DOCK1: variants seen among roughly 807,000 people sequenced by gnomAD.
DOCK1 encodes dedicator of cytokinesis protein 1.
DOCK1 carries 138 observed loss-of-function variants against 262.7 expected under a neutral mutation model. The ratio of observed to expected loss-of-function variants is 0.53; its 90% CI spans 0.46 to 0.61. The LOEUF (loss-of-function observed/expected upper bound fraction) is 0.61. Ranked by LOEUF, DOCK1 falls within the 20% of genes least tolerant of loss-of-function variation. The pLI is 0.00. For missense variants in DOCK1, 1,908 were observed against 2,370.7 expected, an observed-to-expected ratio of 0.80 and a Z score of 4.05; for synonymous variants, 866 against 867.4, an observed-to-expected ratio of 1.00 and a Z score of 0.03.
At chr10:127,316,749 C>CG (rs1257508681) in intron 29 of DOCK1, among the ~76,000 whole-genome samples, 2 of 152,102 alleles carry the variant, frequency 1.3e-5, no homozygotes, top group Non-Finnish European at 2.9e-5. Flanking sequence ...ACAGACAAGG[C>CG]GGACCACAGA....
intron 1 of DOCK1, among the ~76,000 whole-genome samples, chr10:126,919,172 G>C (rs573043360): frequency 1.5e-4 from 23 of 152,350 alleles, no homozygotes; most frequent in African/African-American, 5.3e-4. Context: ...AGGCTGCTTA[G>C]AGACCTTCCT....
rs1236360967 is a variant in DOCK1 at position 127,403,135 on chromosome 10, C to T, written c.4008C>T (p.Ser1336=). 17 of 1,608,678 alleles carry T rather than the reference C, an allele frequency of 1.1e-5. No homozygotes were observed. Among genetic ancestry groups the T allele is most frequent in the Admixed American group, 3.4e-5 (2 of 59,444 alleles). The change falls in exon 39 of 52, where the codon AGC becomes AGT. Residue 1336 remains serine, a synonymous_variant. Transcript: ENST00000623213. ...ENEMFDYEQL[S]ELLKKQAQFY... is the part of the protein sequence containing the mutation. ...AAATGTTTGATTATGAGCAACTCAG[C>T]GAATTGCTGGTGAGTCTTTATTTCT...
In DOCK1 at chr10:127,247,998, T is replaced by C; in HGVS notation, c.2848-10T>C. ...GTCTCATCTAATTCTATCTTTTGAT[T>C]CATTTACAGGGAAACTTCGTGGCTT... On this transcript the variant is annotated splice_polypyrimidine_tract_variant and intron_variant, in intron 27 of 51. Coordinates refer to ENST00000623213, the MANE Select transcript of DOCK1 (RefSeq NM_001290223.2). 1 of 1,613,026 alleles carries C rather than the reference T, an allele frequency of 6.2e-7. No homozygotes were observed.
In DOCK1 at chr10:127,361,404, A is replaced by C. The variant is rs145512244; in HGVS notation, c.3284-660A>C. On this transcript the variant is annotated intron_variant, in intron 32 of 51. Coordinates refer to ENST00000623213, the MANE Select transcript of DOCK1 (RefSeq NM_001290223.2). ...GCTGGGATTACAGGCGTGAGCCACCACACCCGGCCTAAAGTAGTTATTTAA... is the reference window on the plus strand; with the variant it reads ...GCTGGGATTACAGGCGTGAGCCACCCCACCCGGCCTAAAGTAGTTATTTAA... 7.9e-5 allele frequency among the ~76,000 whole-genome samples: 12 copies of C among 152,244 alleles called. 1 individual carries two copies. The South Asian group carries it at 1.4e-3, about 18-fold the overall frequency.
In DOCK1 at chr10:126,998,285, T is replaced by C. The variant is rs758933912; in HGVS notation, c.767+36T>C. 12 of 1,612,430 alleles carry C rather than the reference T, an allele frequency of 7.4e-6. No homozygotes were observed. In the Admixed American group the frequency reaches 1.7e-4, roughly 22 times the overall value. On this transcript the variant is annotated intron_variant, in intron 8 of 51. Coordinates refer to ENST00000623213, the MANE Select transcript of DOCK1 (RefSeq NM_001290223.2). Reference sequence around the variant, plus strand: ...TTTCTTGGCTGCCGTCTTTCCTCTTTGGTTAGTGTTAGGAACTTGGGATCA... The same window carrying C: ...TTTCTTGGCTGCCGTCTTTCCTCTTCGGTTAGTGTTAGGAACTTGGGATCA...
intron 38 of DOCK1, among the ~76,000 whole-genome samples, chr10:127,392,623 T>G (rs191877620): frequency 2.6e-4 from 40 of 152,212 alleles, no homozygotes; most frequent in Admixed American, 2.4e-3. Flanking sequence ...ATCAAGAAGG[T>G]GGCCGTCACC....
At chr10:126,984,477 G>T (rs1359829152) in intron 4 of DOCK1, among the ~76,000 whole-genome samples, 3 of 151,880 alleles carry the variant, frequency 2.0e-5, no homozygotes, top group Admixed American at 6.6e-5. Flanking sequence ...CTCCCCAGTG[G>T]CTGGGACTAC....
chr10:127,278,051 C>T (rs118057882), intron 29 of DOCK1, among the ~76,000 whole-genome samples: 3 of 152,280 alleles, frequency 2.0e-5, no homozygotes, highest in Non-Finnish European at 2.9e-5. Flanking sequence ...CATGCGCACA[C>T]GCTTCCCTCT....
intron 27 of DOCK1, among the ~76,000 whole-genome samples, chr10:127,156,166 A>G (rs191611902): frequency 8.3e-4 from 126 of 152,310 alleles, no homozygotes; most frequent in Non-Finnish European, 1.1e-3. Context: ...AGCCTCATCA[A>G]CATCAACACT....
At chr10:126,949,621 C>T (rs1236522714) in intron 1 of DOCK1, among the ~76,000 whole-genome samples, 1 of 152,116 alleles carries the variant, frequency 6.6e-6, no homozygotes, top group African/African-American at 2.4e-5. Context: ...AATGTCCTTT[C>T]TGTGCTATAA....
intron 27 of DOCK1, among the ~76,000 whole-genome samples, chr10:127,145,104 G>A (rs931579825): frequency 5.3e-5 from 8 of 152,122 alleles, no homozygotes; most frequent in African/African-American, 1.9e-4. Flanking sequence ...CTCATCCTAG[G>A]TGCCCATCTT....
intron 32 of DOCK1, among the ~76,000 whole-genome samples, chr10:127,359,553 TATA>T (rs150139451): frequency 0.015 from 2,335 of 152,316 alleles, 60 homozygotes; most frequent in African/African-American, 0.053. Context: ...AGAGATGGAA[TATA>T]ATAGCATTTT....
At position 127,012,390 on chromosome 10, in the gene DOCK1, T is replaced by C. The variant is rs531116631; in HGVS notation, c.1201+16T>C. ...AAGGGGCAGGGTACGTATTTTCCTATTTTGTTTCTATCAGCGTGTATTTGC... is the reference window on the plus strand; with the variant it reads ...AAGGGGCAGGGTACGTATTTTCCTACTTTGTTTCTATCAGCGTGTATTTGC... On this transcript the variant is annotated intron_variant, in intron 12 of 51. Transcript: ENST00000623213. This position sits in a 1 kb window ranked among gnomAD's most constrained non-coding sequence, Gnocchi z 4.0. The C allele has an allele frequency of 1.4e-4, 221 of 1,613,456 alleles. 1 individual carries two copies. The East Asian group carries it at 4.3e-3, about 31-fold the overall frequency.
chr10:126,994,583 T>C (rs2040032526), intron 6 of DOCK1, among the ~76,000 whole-genome samples: 1 of 152,194 alleles, frequency 6.6e-6, no homozygotes, highest in African/African-American at 2.4e-5. Flanking sequence ...CCGCCCTTAA[T>C]CCGTTTAACC....
At chr10:127,226,684 C>T (rs2058654267) in intron 27 of DOCK1, among the ~76,000 whole-genome samples, 1 of 152,092 alleles carries the variant, frequency 6.6e-6, no homozygotes, top group Admixed American at 6.5e-5. Flanking sequence ...GCAGAGGCTG[C>T]AGTGAGCCAA....
chr10:127,316,945 C>T (rs2062308600), intron 29 of DOCK1, among the ~76,000 whole-genome samples: 1 of 152,156 alleles, frequency 6.6e-6, no homozygotes, highest in Non-Finnish European at 1.5e-5. Flanking sequence ...AAACGTTCCC[C>T]TCAGATAATC....
chr10:127,380,659 T>C (rs2065776855), intron 36 of DOCK1, among the ~76,000 whole-genome samples: 1 of 152,196 alleles, frequency 6.6e-6, no homozygotes, highest in Non-Finnish European at 1.5e-5. Context: ...GATTGAGCCC[T>C]TCTCTCTTGG....
rs564664716 is a variant in DOCK1, at chr10:127,031,046, C to T, written c.1625-604C>T. 5.3e-5 allele frequency among the ~76,000 whole-genome samples: 8 copies of T among 152,336 alleles called. No individual in the cohort carries two copies. The South Asian group carries it at 6.2e-4, about 12-fold the overall frequency. ...CAGATACCTGGGGGATGAACTTTCT[C>T]GCCAAAGGCAGCACAATTTCACATT... On this transcript the variant is annotated intron_variant, in intron 16 of 51. Coordinates refer to ENST00000623213, the MANE Select transcript of DOCK1 (RefSeq NM_001290223.2).
At chr10:127,047,162 A>G (rs2044402959) in intron 21 of DOCK1, among the ~76,000 whole-genome samples, 1 of 148,954 alleles carries the variant, frequency 6.7e-6, no homozygotes, top group South Asian at 2.2e-4. Context: ...TTCTTTTATT[A>G]TGTGTAAGCT....
Sources: gnomAD v4.1 joint callset for allele counts (sites outside exome capture counted in the v4.1 genomes callset) on GRCh38, gnomAD v4.1.1 for gene constraint, Gnocchi (gnomAD v3.1) non-coding constraint, MANE v1.5 for transcripts, NCBI Gene and HGNC (gene_info 2026-07-23, HGNC 2026-07-21) for gene names.